Variants in PSD2 observed in about 807,000 individuals in gnomAD.
PSD2 encodes PH and SEC7 domain-containing protein 2.
A neutral mutation model predicts 69.8 loss-of-function variants in PSD2; 38 were observed. The ratio of observed to expected loss-of-function variants is 0.54; its 90% CI spans 0.42 to 0.71. The LOEUF (loss-of-function observed/expected upper bound fraction) is 0.71, where lower values mean the gene tolerates loss of function less well. Ranked by LOEUF, PSD2 falls within the 30% of genes least tolerant of loss-of-function variation. The pLI is 0.00. For synonymous variants in PSD2, 412 were observed against 423.0 expected (o/e 0.97, Z 0.32); for missense variants, 943 against 1,014.5 (o/e 0.93, Z 0.96).
At chr5:139,817,162 C>T (rs1036981954) in intron 4 of PSD2, among the ~76,000 whole-genome samples, 3 of 152,220 alleles carry the variant, frequency 2.0e-5, no homozygotes, top group Non-Finnish European at 4.4e-5. Context: ...TAGGTTCTGG[C>T]CACATGGCCC....
the PSD2 span, among the ~76,000 whole-genome samples, chr5:139,766,889 TTCTTTCCC>T: frequency 1.3e-5 from 2 of 148,978 alleles, no homozygotes; most frequent in Admixed American, 6.7e-5. Flanking sequence ...CTTTCTTTCC[TTCTTTCCC>T]TCTTTCCCTC....
chr5:139,765,635 G>T, the PSD2 span, among the ~76,000 whole-genome samples: 32 of 152,386 alleles, frequency 2.1e-4, no homozygotes, highest in East Asian at 5.2e-3. Context: ...CGGCCAGGAG[G>T]GGGAGAGAGC....
the PSD2 span, among the ~76,000 whole-genome samples, chr5:139,755,761 A>C: frequency 6.6e-6 from 1 of 151,240 alleles, no homozygotes; most frequent in Non-Finnish European, 1.5e-5. Context: ...ACTGTGTGTG[A>C]GACTGTAACT....
chr5:139,798,441 G>A (rs948083861), intron 1 of PSD2, among the ~76,000 whole-genome samples: 12 of 152,302 alleles, frequency 7.9e-5, no homozygotes, highest in African/African-American at 2.6e-4. Context: ...TTTGTGGACT[G>A]CCCTGGGGAA....
the PSD2 span, among the ~76,000 whole-genome samples, chr5:139,752,577 T>A: frequency 1.1e-4 from 17 of 152,220 alleles, no homozygotes; most frequent in East Asian, 3.1e-3. Context: ...CACAAGGACA[T>A]TGGAGCATAT....
At chr5:139,789,020 T>G in the PSD2 span, among the ~76,000 whole-genome samples, 1 of 152,220 alleles carries the variant, frequency 6.6e-6, no homozygotes, top group Non-Finnish European at 1.5e-5. Context: ...TGTCCTCGTT[T>G]GCAGACCAGA....
upstream of PSD2, among the ~76,000 whole-genome samples, chr5:139,795,294 C>T (rs1017723951): frequency 5.3e-5 from 8 of 152,198 alleles, no homozygotes; most frequent in Non-Finnish European, 1.0e-4. This position sits in a 1 kb window ranked among gnomAD's most constrained non-coding sequence, Gnocchi z 4.5. Flanking sequence ...CACCTTGGCC[C>T]CCCGCACTCC....
rs773770341 is a variant in PSD2 at position 139,809,809 on chromosome 5, G to T, written c.369G>T (p.Leu123=). ...ACCCAGATGCTGAGGACCCTCAGCT[G>T]GGGTGAGTGGATGTCTTGGGATGGG... The part of the protein sequence containing the change: ...SLYPDAEDPQ[L]GLDGPGEPDV... Residue 123 remains leucine (L), a splice_region_variant and synonymous_variant, in exon 2 of 15, where the codon CTG becomes CTT. Coordinates refer to ENST00000274710, the MANE Select transcript of PSD2 (RefSeq NM_032289.4). 5 of 1,613,850 alleles carry T rather than the reference G, an allele frequency of 3.1e-6. No homozygotes were observed. Among genetic ancestry groups the T allele is most frequent in the Non-Finnish European group, 4.2e-6 (5 of 1,179,948 alleles).
the PSD2 span, among the ~76,000 whole-genome samples, chr5:139,766,909 C>A: frequency 2.6e-5 from 1 of 38,724 alleles, no homozygotes. Flanking sequence ...CTTTCCCTCC[C>A]TTCCTTCCTT....
At chr5:139,751,768 C>G in the PSD2 span, among the ~76,000 whole-genome samples, 2 of 150,542 alleles carry the variant, frequency 1.3e-5, no homozygotes, top group African/African-American at 4.9e-5. Context: ...ACAGTGTTTC[C>G]ATGGCATGGC....
the PSD2 span, among the ~76,000 whole-genome samples, chr5:139,751,233 C>T: frequency 6.6e-6 from 1 of 152,156 alleles, no homozygotes; most frequent in Admixed American, 6.5e-5. Flanking sequence ...GGACTCAAGA[C>T]AGCACCTCCT....
the PSD2 span, among the ~76,000 whole-genome samples, chr5:139,771,477 C>T: frequency 6.6e-6 from 1 of 152,140 alleles, no homozygotes; most frequent in African/African-American, 2.4e-5. Flanking sequence ...CTCCTGGGTT[C>T]ACGCCATTCT....
chr5:139,809,911 C>G lies in PSD2; in HGVS notation c.371+100C>G, dbSNP rs956339960. On this transcript the variant is annotated intron_variant, in intron 2 of 14. Transcript: ENST00000274710. ...TAGTTTCTCCGGTTCTTGTTTTTCT[C>G]ACACATAAAATGGGGATTTCATATC... 4.5e-6 allele frequency: 6 copies of G among 1,324,152 alleles called. No individual in the cohort carries two copies. In the African/African-American group the frequency reaches 7.4e-5, roughly 16 times the overall value. 82.0% of individuals were successfully genotyped at this position (1,324,152 alleles called of 1,614,324 possible).
At chr5:139,810,504 T>A (rs1446617729) in intron 2 of PSD2, among the ~76,000 whole-genome samples, 1 of 152,110 alleles carries the variant, frequency 6.6e-6, no homozygotes, top group Admixed American at 6.5e-5. Context: ...AGTGTGTGAG[T>A]GTGCGTGGGG....
At position 139,837,901 on chromosome 5, in the gene PSD2, A is replaced by G; in HGVS notation, c.1823+119A>G. ...GAGCATGTGTATCCACATGACACAG[A>G]CCGACAGCTGGGTCCCTCCAAAGCA... On this transcript the variant is annotated intron_variant, in intron 12 of 14. Coordinates refer to ENST00000274710, the MANE Select transcript of PSD2 (RefSeq NM_032289.4). The surrounding 1 kb of genome is among the most constrained non-coding windows in gnomAD (Gnocchi z 5.0). 1 of 966,998 alleles carries G rather than the reference A, an allele frequency of 1.0e-6. No homozygotes were observed. The highest frequency in any genetic ancestry group is 1.5e-6 in the Non-Finnish European group (1 of 661,448). The allele number at this position is 966,998 out of a possible 1,614,324, so 59.9% of individuals were successfully genotyped here. A position where few individuals can be genotyped will look rare whatever the true frequency, so the allele number is the denominator to read the frequency against.
chr5:139,834,492 G>A (rs560429949), intron 8 of PSD2, among the ~76,000 whole-genome samples: 86 of 151,206 alleles, frequency 5.7e-4, no homozygotes, highest in African/African-American at 2.0e-3. Flanking sequence ...TAGAGCTGGG[G>A]ATCTCACTAT....
At chr5:139,743,827 G>A in the PSD2 span, 2 of 152,516 alleles carry the variant, frequency 1.3e-5, no homozygotes, top group East Asian at 3.9e-4. Flanking sequence ...AGAGCCCCAG[G>A]ATGGGATAGC....
At chr5:139,803,491 G>A (rs2126927105) in intron 1 of PSD2, among the ~76,000 whole-genome samples, 1 of 152,358 alleles carries the variant, frequency 6.6e-6, no homozygotes, top group South Asian at 2.1e-4. Flanking sequence ...CAGGTGCCTT[G>A]AGAAGACAAA....
chr5:139,756,538 G>C, the PSD2 span, among the ~76,000 whole-genome samples: 1 of 152,334 alleles, frequency 6.6e-6, no homozygotes, highest in South Asian at 2.1e-4. Flanking sequence ...GGGTCCCTTG[G>C]GGGTAGTTTC....
Sources: gnomAD v4.1 joint callset for allele counts (sites outside exome capture counted in the v4.1 genomes callset) on GRCh38, gnomAD v4.1.1 for gene constraint, Gnocchi (gnomAD v3.1) non-coding constraint, MANE v1.5 for transcripts, NCBI Gene and HGNC (gene_info 2026-07-23, HGNC 2026-07-21) for gene names.